Variants in KIAA1671 observed in about 807,000 individuals in gnomAD.
KIAA1671 encodes KIAA1671, also known as uncharacterized protein KIAA1671.
In KIAA1671, 52 loss-of-function variants were observed where a neutral mutation model predicts 131.2. That is an observed-to-expected ratio of 0.40 (90% CI 0.32 to 0.50). The LOEUF (loss-of-function observed/expected upper bound fraction) is 0.50. Ranked by LOEUF, KIAA1671 falls within the 20% of genes least tolerant of loss-of-function variation. KIAA1671 has a pLI of 0.73. For synonymous variants in KIAA1671, 1,003 were observed against 961.6 expected (o/e 1.04, Z -0.80); for missense variants, 2,360 against 2,364.2 (o/e 1.00, Z 0.04).
At chr22:24,988,105 G>C (rs541499064) in intron 1 of KIAA1671, among the ~76,000 whole-genome samples, 1 of 151,944 alleles carries the variant, frequency 6.6e-6, no homozygotes, top group Non-Finnish European at 1.5e-5. Flanking sequence ...GTGAAACCCC[G>C]TTTCTACTAA....
rs2061064281 is a variant in KIAA1671, at chr22:25,041,099, G to C, written c.3969G>C (p.Gly1323=). The C allele has an allele frequency of 1.0e-5, 16 of 1,545,120 alleles. No homozygotes were observed. Among genetic ancestry groups the C allele is most frequent in the Non-Finnish European group, 2.6e-6 (3 of 1,143,448 alleles). ...PIPADPRKKT[G]FAEDDRKAFA... Reference sequence around the variant, plus strand: ...CTGCGGATCCCAGGAAAAAAACGGGGTTTGCTGAGGATGACAGAAAGGCCT... The same window carrying C: ...CTGCGGATCCCAGGAAAAAAACGGGCTTTGCTGAGGATGACAGAAAGGCCT... Residue 1323 remains glycine, a synonymous_variant, in exon 5 of 13, where the codon GGG becomes GGC. Coordinates refer to ENST00000358431, the MANE Select transcript of KIAA1671 (RefSeq NM_001145206.2).
At chr22:25,131,116 C>T (rs1278045778) in intron 6 of KIAA1671, among the ~76,000 whole-genome samples, 1 of 152,216 alleles carries the variant, frequency 6.6e-6, no homozygotes, top group East Asian at 1.9e-4. Context: ...ACAGGGATTG[C>T]TCTGGAAGAG....
chr22:25,105,313 C>T (rs1211301385), intron 6 of KIAA1671, among the ~76,000 whole-genome samples: 3 of 152,276 alleles, frequency 2.0e-5, no homozygotes, highest in South Asian at 2.1e-4. Flanking sequence ...TAAGCCACCA[C>T]GCCTGGCCCA....
intron 6 of KIAA1671, among the ~76,000 whole-genome samples, chr22:25,093,460 G>A (rs970265872): frequency 6.6e-6 from 1 of 152,124 alleles, no homozygotes; most frequent in Non-Finnish European, 1.5e-5. Context: ...CCCCTGACCT[G>A]TTTCTGTCCA....
intron 6 of KIAA1671, among the ~76,000 whole-genome samples, chr22:25,158,458 G>A (rs953567329): frequency 1.3e-5 from 2 of 152,152 alleles, no homozygotes; most frequent in East Asian, 3.9e-4. Context: ...TTCTATGATG[G>A]GGTGAGCACA....
At chr22:25,119,308 C>T (rs1931826519) in intron 6 of KIAA1671, among the ~76,000 whole-genome samples, 1 of 152,180 alleles carries the variant, frequency 6.6e-6, no homozygotes. Flanking sequence ...TGTACGGCCA[C>T]ATCACCCTGA....
At chr22:24,984,467 ACAGGG>A (rs1160524974) in intron 1 of KIAA1671, among the ~76,000 whole-genome samples, 2 of 152,212 alleles carry the variant, frequency 1.3e-5, no homozygotes, top group African/African-American at 4.8e-5. Context: ...ATAGCCCAGG[ACAGGG>A]AGCACTGATT....
At chr22:25,041,659 G>T in intron 5 of KIAA1671, 134 bp downstream of exon 5, 1 of 886,692 alleles carries the variant, frequency 1.1e-6, no homozygotes, top group Non-Finnish European at 1.7e-6. Context: ...GAGGCTCCAG[G>T]GAGGGGTATG....
chr22:25,072,892 C>T (rs1352008110), intron 6 of KIAA1671, among the ~76,000 whole-genome samples: 2 of 152,120 alleles, frequency 1.3e-5, no homozygotes, highest in African/African-American at 2.4e-5. Flanking sequence ...TGGAGGTGCT[C>T]GCTCCCCTGC....
intron 11 of KIAA1671, among the ~76,000 whole-genome samples, chr22:25,186,810 T>C (rs1370504396): frequency 6.6e-6 from 1 of 152,174 alleles, no homozygotes; most frequent in Non-Finnish European, 1.5e-5. Flanking sequence ...GGTGAGACAT[T>C]AGAGAAAGAC....
intron 10 of KIAA1671, among the ~76,000 whole-genome samples, chr22:25,182,620 C>T (rs931966805): frequency 6.6e-6 from 1 of 152,190 alleles, no homozygotes; most frequent in Non-Finnish European, 1.5e-5. Context: ...ATACTACCAA[C>T]TTACTTGGCT....
intron 6 of KIAA1671, chr22:25,070,102 C>T: frequency 2.8e-6 from 1 of 352,280 alleles, no homozygotes. Flanking sequence ...CAGAAGGATC[C>T]ACCCCTGGAC....
chr22:25,103,197 T>C (rs1185946152), intron 6 of KIAA1671, among the ~76,000 whole-genome samples: 2 of 138,926 alleles, frequency 1.4e-5, no homozygotes. Context: ...CTTGGGCAAG[T>C]CCCCCCCCAA....
At chr22:25,023,930 G>A (rs1925802531) in intron 1 of KIAA1671, 1 of 127,610 alleles carries the variant, frequency 7.8e-6, no homozygotes, top group African/African-American at 3.1e-5. Context: ...GGGTGACAGA[G>A]TGAAACTCTG....
intron 5 of KIAA1671, among the ~76,000 whole-genome samples, chr22:25,043,796 G>T (rs1927073134): frequency 6.6e-6 from 1 of 152,184 alleles, no homozygotes; most frequent in African/African-American, 2.4e-5. Context: ...GAAGAGCGTA[G>T]AATGTTGTGG....
chr22:25,177,581 C>A, intron 9 of KIAA1671, 59 bp downstream of exon 9: 1 of 1,423,044 alleles, frequency 7.0e-7, no homozygotes, highest in Non-Finnish European at 9.4e-7. Context: ...AGGATTTAGA[C>A]TAAGCCCTAT....
At chr22:25,096,559 T>G (rs574513492) in intron 6 of KIAA1671, among the ~76,000 whole-genome samples, 1 of 152,314 alleles carries the variant, frequency 6.6e-6, no homozygotes, top group African/African-American at 2.4e-5. Flanking sequence ...TCCCATGTCC[T>G]TTGCCCTCAA....
chr22:25,028,149 G>C lies in KIAA1671; in HGVS notation c.150G>C (p.Ala50=). The change falls in exon 3 of 13, where the codon GCG becomes GCC. Residue 50 remains alanine, a synonymous_variant. Coordinates refer to ENST00000358431, the MANE Select transcript of KIAA1671 (RefSeq NM_001145206.2). ...CTCCCCCAGCCCGGATCTTGGAAGCGAAGAGCCCCCTGCGGAGCCCGGCCC... is the reference window on the plus strand; with the variant it reads ...CTCCCCCAGCCCGGATCTTGGAAGCCAAGAGCCCCCTGCGGAGCCCGGCCC... ...SGAPPARILE[A]KSPLRSPARL... The C allele has an allele frequency of 6.4e-7, 1 of 1,551,058 alleles. No individual in the cohort carries two copies. Among genetic ancestry groups the C allele is most frequent in the Non-Finnish European group, 8.7e-7 (1 of 1,146,690 alleles).
intron 1 of KIAA1671, among the ~76,000 whole-genome samples, chr22:25,004,622 C>T (rs901581232): frequency 6.6e-6 from 1 of 152,106 alleles, no homozygotes; most frequent in Non-Finnish European, 1.5e-5. Flanking sequence ...TTATTTTTCC[C>T]CTGAAACTCT....
Sources: allele counts gnomAD v4.1 joint callset (sites outside exome capture counted in the v4.1 genomes callset), GRCh38; gene constraint gnomAD v4.1.1; transcripts MANE v1.5; gene names NCBI Gene and HGNC (gene_info 2026-07-23, HGNC 2026-07-21).